Variants in BMP2K observed in about 807,000 individuals in gnomAD.
BMP2K encodes BMP-2-inducible protein kinase.
In BMP2K, 74 loss-of-function variants were observed where a neutral mutation model predicts 116.0. That is an observed-to-expected ratio of 0.64 (90% confidence interval 0.53 to 0.77). The LOEUF is 0.77. Ranked by LOEUF, BMP2K falls within the 30% of genes least tolerant of loss-of-function variation. The pLI is 0.00. For missense variants in BMP2K, 1,365 were observed against 1,403.6 expected (o/e 0.97, Z 0.44); for synonymous variants, 486 against 502.5 (o/e 0.97, Z 0.44).
rs758202219 is a variant in BMP2K at position 78,911,116 on chromosome 4, G to A, written c.2569G>A (p.Val857Ile). Residue 857 changes from valine (V) to isoleucine (I), a missense_variant, in exon 16 of 16, where the codon GTA becomes ATA. Physicochemically the swap from Val to Ile is conservative, Grantham distance 29 (BLOSUM62 3). Around this residue, in one of 3 missense-constraint regions of BMP2K, gnomAD observed 596 missense variants for 623.2 expected, o/e 0.96. Transcript: ENST00000502613. ...AVETPKQEFD[V>I]FGAVPFFAVR... ...GGAGACTCCCAAACAGGAGTTTGAT[G>A]TATTTGGCGCTGTCCCCTTCTTTGC... 2 of 1,613,982 alleles carry A rather than the reference G, an allele frequency of 1.2e-6. No individual in the cohort carries two copies. Among genetic ancestry groups the A allele is most frequent in the Non-Finnish European group, 1.7e-6 (2 of 1,179,876 alleles).
chr4:78,910,683 T>TA lies in BMP2K; in HGVS notation c.2140dup (p.Thr714AsnfsTer6). 6.2e-7 allele frequency: 1 copy of TA among 1,608,222 alleles called. No homozygotes were observed. Among genetic ancestry groups the TA allele is most frequent in the Non-Finnish European group, 8.5e-7 (1 of 1,178,200 alleles). On this transcript the variant is annotated frameshift_variant, in exon 16 of 16. Coordinates refer to ENST00000502613, the MANE Select transcript of BMP2K (RefSeq NM_198892.2). LOFTEE classifies it low-confidence loss of function (END_TRUNC). The stretch of plus-strand genomic sequence containing the variant: ...GCACTGCAAACCCTATCAAGAACGG[T>TA]AAAACAAGTCCAGCATCTAAAGATC...
At chr4:78,842,165 A>G (rs1730789866) in intron 3 of BMP2K, among the ~76,000 whole-genome samples, 1 of 152,088 alleles carries the variant, frequency 6.6e-6, no homozygotes, top group South Asian at 2.1e-4. Context: ...AATAGCATTA[A>G]TAAGACATTT....
At chr4:78,788,607 A>T (rs890912780) in intron 1 of BMP2K, among the ~76,000 whole-genome samples, 1 of 151,954 alleles carries the variant, frequency 6.6e-6, no homozygotes, top group Non-Finnish European at 1.5e-5. Flanking sequence ...ACTTGTTTTT[A>T]TTTTTAAACA....
chr4:78,840,124 GT>G lies in BMP2K; in HGVS notation c.404-2259del, dbSNP rs1194036784. Among the ~76,000 whole-genome samples the G allele has an allele frequency of 3.3e-5, 5 of 151,616 alleles. No homozygotes were observed. In the East Asian group the frequency reaches 9.6e-4, roughly 29 times the overall value. On this transcript the variant is annotated intron_variant, in intron 3 of 15. Coordinates refer to ENST00000502613, the MANE Select transcript of BMP2K (RefSeq NM_198892.2). Reference sequence around the variant, plus strand: ...AGTGGTAATATGTGTACTCAGATAGGTTGTTGAACACCTTTTTTAAGAGATT... The same window carrying G: ...AGTGGTAATATGTGTACTCAGATAGGTGTTGAACACCTTTTTTAAGAGATT...
intron 6 of BMP2K, among the ~76,000 whole-genome samples, chr4:78,848,592 T>A (rs1194434622): frequency 2.0e-5 from 3 of 151,564 alleles, no homozygotes; most frequent in African/African-American, 7.2e-5. Flanking sequence ...TGCAGAAAAA[T>A]TATTCTCTAA....
At position 78,908,057 on chromosome 4, in the gene BMP2K, C is replaced by T. The variant is rs142864808; in HGVS notation, c.2063-2553C>T. On this transcript the variant is annotated intron_variant, in intron 15 of 15. Coordinates refer to ENST00000502613, the MANE Select transcript of BMP2K (RefSeq NM_198892.2). ...AACTTTGTTTTTAATATCATAAATA[C>T]GCTGTGTAGGGAAGAAGTCAAACTT... is the stretch of plus-strand genomic sequence containing the variant. 8.5e-5 allele frequency among the ~76,000 whole-genome samples: 13 copies of T among 152,200 alleles called. No homozygotes were observed. The East Asian group carries it at 1.9e-3, about 23-fold the overall frequency.
intron 1 of BMP2K, among the ~76,000 whole-genome samples, chr4:78,821,604 T>C (rs1463831892): frequency 6.6e-6 from 1 of 152,186 alleles, no homozygotes; most frequent in African/African-American, 2.4e-5. Context: ...TAATACTGCA[T>C]AGGGGCGAGT....
intron 10 of BMP2K, among the ~76,000 whole-genome samples, chr4:78,866,651 TA>T (rs1200642615): frequency 6.6e-6 from 1 of 152,130 alleles, no homozygotes; most frequent in Non-Finnish European, 1.5e-5. Context: ...TTTTATTTTT[TA>T]TTTATTTATT....
intron 9 of BMP2K, among the ~76,000 whole-genome samples, chr4:78,864,088 C>G (rs903895546): frequency 1.3e-5 from 2 of 152,122 alleles, no homozygotes; most frequent in Non-Finnish European, 2.9e-5. Context: ...ATTGATAAAA[C>G]AGAGACATCA....
chr4:78,780,051 G>C (rs897128761), intron 1 of BMP2K, among the ~76,000 whole-genome samples: 1 of 152,172 alleles, frequency 6.6e-6, no homozygotes, highest in African/African-American at 2.4e-5. Flanking sequence ...TTAATTCAAT[G>C]TAACCTTCCA....
Position 78,883,711 on chromosome 4 carries a change from C to CTTAGTGAT in BMP2K, c.1952-3462_1952-3455dup, listed in dbSNP as rs1732958991. ...CCCAGTGCATGAGGATTTAAAGAAC[C>CTTAGTGAT]TTAGTGATAACTTCACAGTTTTATA... On this transcript the variant is annotated intron_variant, in intron 14 of 15. Transcript: ENST00000502613. Among the ~76,000 whole-genome samples the CTTAGTGAT allele has an allele frequency of 7.2e-5, 11 of 152,212 alleles. No homozygotes were observed. In the South Asian group the frequency reaches 2.1e-3, roughly 29 times the overall value.
Position 78,909,972 on chromosome 4 carries a change from TTAATG to T in BMP2K, c.2063-630_2063-626del, listed in dbSNP as rs1431577200. ...TTGTTTTTAAAGGAATCTCGCTTTT[TTAATG>T]TAATGTATAGATATTATAATTAAAG... On this transcript the variant is annotated intron_variant, in intron 15 of 15. Coordinates refer to ENST00000502613, the MANE Select transcript of BMP2K (RefSeq NM_198892.2). 7.2e-5 allele frequency among the ~76,000 whole-genome samples: 11 copies of T among 152,340 alleles called. No homozygotes were observed. In the East Asian group the frequency reaches 1.3e-3, roughly 19 times the overall value.
intron 1 of BMP2K, among the ~76,000 whole-genome samples, chr4:78,803,492 C>T (rs1728671947): frequency 6.6e-6 from 1 of 152,082 alleles, no homozygotes; most frequent in Admixed American, 6.6e-5. Context: ...GATTCCCATG[C>T]CTCAGCCACC....
intron 15 of BMP2K, among the ~76,000 whole-genome samples, chr4:78,906,814 G>A (rs1189915335): frequency 6.6e-6 from 1 of 152,140 alleles, no homozygotes. Flanking sequence ...CTTATTATGT[G>A]TTCAGGCACC....
intron 1 of BMP2K, among the ~76,000 whole-genome samples, chr4:78,821,776 CTA>C (rs1365503102): frequency 6.6e-6 from 1 of 152,166 alleles, no homozygotes; most frequent in African/African-American, 2.4e-5. Context: ...CAATTAATAA[CTA>C]TGCCAGAGGA....
chr4:78,800,316 T>A (rs1728506524), intron 1 of BMP2K, among the ~76,000 whole-genome samples: 1 of 152,210 alleles, frequency 6.6e-6, no homozygotes, highest in African/African-American at 2.4e-5. Context: ...TTGAGATAGT[T>A]ATACAAAGTG....
chr4:78,888,006 T>TA (rs1560546882), intron 15 of BMP2K: 1 of 152,242 alleles, frequency 6.6e-6, no homozygotes, highest in East Asian at 1.9e-4. Flanking sequence ...TCAGGCAAGT[T>TA]ACATATGTAA....
intron 1 of BMP2K, among the ~76,000 whole-genome samples, chr4:78,789,354 T>C (rs1044749210): frequency 6.6e-6 from 1 of 152,216 alleles, no homozygotes; most frequent in Non-Finnish European, 1.5e-5. Context: ...TTTGTTTCCT[T>C]ATGCCTAAGT....
intron 14 of BMP2K, among the ~76,000 whole-genome samples, chr4:78,881,285 A>G (rs1176839051): frequency 6.6e-6 from 1 of 152,228 alleles, no homozygotes; most frequent in Non-Finnish European, 1.5e-5. Context: ...TTTAAAAATT[A>G]TATTTAAATT....
Sources: gnomAD v4.1 joint callset for allele counts (sites outside exome capture counted in the v4.1 genomes callset) on GRCh38, gnomAD v4.1.1 for gene constraint, gnomAD v4.1.1 regional missense constraint, MANE v1.5 for transcripts, NCBI Gene and HGNC (gene_info 2026-07-23, HGNC 2026-07-21) for gene names.